Variants in CNTNAP5 observed in about 807,000 individuals in gnomAD.
The protein encoded by CNTNAP5 is contactin associated protein family member 5.
CNTNAP5 carries 72 observed loss-of-function variants against 150.2 expected under a neutral mutation model. The observed-to-expected ratio is 0.48, with a 90% CI of 0.40 to 0.58. The LOEUF (loss-of-function observed/expected upper bound fraction) is 0.58. Among genes scored for constraint, CNTNAP5 ranks in the 20% least tolerant of loss-of-function variants. The pLI is 0.00. For synonymous variants in CNTNAP5, 672 were observed against 619.8 expected (o/e 1.08, Z -1.25); for missense variants, 1,636 against 1,626.2 (o/e 1.01, Z -0.10).
chr2:124,439,986 G>A (rs534288221), intron 5 of CNTNAP5, among the ~76,000 whole-genome samples: 2 of 152,218 alleles, frequency 1.3e-5, no homozygotes, highest in Non-Finnish European at 1.5e-5. Context: ...AAGAAATGAG[G>A]GAGAATGAGA....
chr2:124,485,219 G>A (rs1693843429), intron 7 of CNTNAP5, among the ~76,000 whole-genome samples: 2 of 152,088 alleles, frequency 1.3e-5, no homozygotes, highest in South Asian at 2.1e-4. Flanking sequence ...AAAAAATCAG[G>A]TACTTTCTCT....
At chr2:124,106,962 C>G (rs368072111) in intron 1 of CNTNAP5, among the ~76,000 whole-genome samples, 1 of 152,122 alleles carries the variant, frequency 6.6e-6, no homozygotes, top group East Asian at 1.9e-4. Flanking sequence ...GGAAAAAAAA[C>G]CCAGACATTT....
chr2:124,198,861 AT>A (rs1685652032), intron 1 of CNTNAP5, among the ~76,000 whole-genome samples: 1 of 119,870 alleles, frequency 8.3e-6, no homozygotes, highest in South Asian at 2.7e-4. Context: ...TTGCCACATG[AT>A]TTCTTTTTTT....
chr2:124,770,536 T>C (rs1558768708), intron 16 of CNTNAP5, among the ~76,000 whole-genome samples: 1 of 152,206 alleles, frequency 6.6e-6, no homozygotes, highest in Non-Finnish European at 1.5e-5. Flanking sequence ...CTGTGTTTTA[T>C]AGAAAAATGT....
intron 1 of CNTNAP5, among the ~76,000 whole-genome samples, chr2:124,045,837 T>A (rs563171620): frequency 6.6e-6 from 1 of 152,304 alleles, no homozygotes; most frequent in South Asian, 2.1e-4. Flanking sequence ...GGCAGGCCTC[T>A]CACAGAGAGT....
At chr2:124,606,368 TAAAA>T (rs10717686) in intron 11 of CNTNAP5, among the ~76,000 whole-genome samples, 1 of 148,916 alleles carries the variant, frequency 6.7e-6, no homozygotes, top group Non-Finnish European at 1.5e-5. Context: ...CTTGTAAAAG[TAAAA>T]AAAAAATAAG....
At chr2:124,453,060 GGTTA>G (rs1693027139) in intron 6 of CNTNAP5, among the ~76,000 whole-genome samples, 1 of 151,976 alleles carries the variant, frequency 6.6e-6, no homozygotes, top group Non-Finnish European at 1.5e-5. Context: ...TAATTCAGAA[GGTTA>G]GTTATTCAGC....
At chr2:124,767,334 G>A (rs1245374567) in intron 16 of CNTNAP5, among the ~76,000 whole-genome samples, 1 of 152,058 alleles carries the variant, frequency 6.6e-6, no homozygotes, top group African/African-American at 2.4e-5. Context: ...TTTGAATTTC[G>A]TAGCCCATAC....
intron 11 of CNTNAP5, among the ~76,000 whole-genome samples, chr2:124,586,895 G>C (rs1696551147): frequency 6.6e-6 from 1 of 152,150 alleles, no homozygotes; most frequent in Non-Finnish European, 1.5e-5. Context: ...AAATGTACCT[G>C]GGTAAGATGC....
intron 1 of CNTNAP5, among the ~76,000 whole-genome samples, chr2:124,067,361 GC>G (rs1308449165): frequency 1.3e-5 from 2 of 152,102 alleles, no homozygotes. Context: ...TCTGTTTCTT[GC>G]CCCTTCTGGC....
intron 12 of CNTNAP5, among the ~76,000 whole-genome samples, chr2:124,627,660 TC>T (rs1255028311): frequency 1.3e-5 from 2 of 152,028 alleles, no homozygotes; most frequent in Non-Finnish European, 2.9e-5. Flanking sequence ...ATGCCTCTTC[TC>T]CTCCAAATGA....
At position 124,362,165 on chromosome 2, in the gene CNTNAP5, G is replaced by A. The variant is rs375637338; in HGVS notation, c.382-55278G>A. 9.9e-5 allele frequency among the ~76,000 whole-genome samples: 15 copies of A among 152,280 alleles called. No homozygotes were observed. In the East Asian group the frequency reaches 1.9e-3, roughly 20 times the overall value. ...GTGAGGCAATGCCTCGCCCTGCTTC[G>A]GCTGGCGCATGGTGCGCGAACCCGC... On this transcript the variant is annotated intron_variant, in intron 3 of 23. Transcript: ENST00000682447.
At chr2:124,836,685 T>G (rs1682835875) in intron 19 of CNTNAP5, among the ~76,000 whole-genome samples, 1 of 152,092 alleles carries the variant, frequency 6.6e-6, no homozygotes, top group Non-Finnish European at 1.5e-5. Flanking sequence ...TGCTCTTGAG[T>G]GTTCTGCTGA....
At chr2:124,374,537 T>G (rs1690600533) in intron 3 of CNTNAP5, among the ~76,000 whole-genome samples, 1 of 152,122 alleles carries the variant, frequency 6.6e-6, no homozygotes, top group Admixed American at 6.6e-5. Flanking sequence ...TAGTTCAAAC[T>G]AATTATCACT....
intron 7 of CNTNAP5, among the ~76,000 whole-genome samples, chr2:124,476,542 G>T (rs1339096610): frequency 6.6e-6 from 1 of 152,162 alleles, no homozygotes; most frequent in Non-Finnish European, 1.5e-5. Context: ...TGCAGGGGAT[G>T]AAGGGGGTTC....
At chr2:124,050,481 G>A (rs949635850) in intron 1 of CNTNAP5, among the ~76,000 whole-genome samples, 17 of 152,166 alleles carry the variant, frequency 1.1e-4, no homozygotes, top group African/African-American at 3.9e-4. Context: ...AATAAAAAAA[G>A]AATAAAGAAA....
At chr2:124,733,845 A>AAT (rs1245668838) in intron 13 of CNTNAP5, among the ~76,000 whole-genome samples, 3 of 152,182 alleles carry the variant, frequency 2.0e-5, no homozygotes, top group African/African-American at 7.2e-5. Context: ...TTTGGAAAGA[A>AAT]ATCTGCAAAG....
In CNTNAP5 at chr2:124,444,327, G is replaced by C. The variant is rs1986445; in HGVS notation, c.734-2426G>C. Among the ~76,000 whole-genome samples, 66 of 152,254 alleles carry C rather than the reference G, an allele frequency of 4.3e-4. No homozygotes were observed. The South Asian group carries it at 5.8e-3, about 13-fold the overall frequency. On this transcript the variant is annotated intron_variant, in intron 5 of 23. Coordinates refer to ENST00000682447, the MANE Select transcript of CNTNAP5 (RefSeq NM_001367498.1). ...AGTAATCTGCTGGCCGGGCGCAGTG[G>C]CTCACACCTGTAATCCCAGCACTTT...
At chr2:124,062,718 G>C (rs1018841940) in intron 1 of CNTNAP5, among the ~76,000 whole-genome samples, 3 of 152,156 alleles carry the variant, frequency 2.0e-5, no homozygotes, top group African/African-American at 7.2e-5. Context: ...TGGTAAGAAA[G>C]CTCTAAGTTG....
Sources: gnomAD v4.1 joint callset for allele counts (sites outside exome capture counted in the v4.1 genomes callset) on GRCh38, gnomAD v4.1.1 for gene constraint, MANE v1.5 for transcripts, NCBI Gene and HGNC (gene_info 2026-07-23, HGNC 2026-07-21) for gene names.